RNF150: variants seen among roughly 807,000 people sequenced by gnomAD.
RNF150 encodes the protein ring finger protein 150.
Under a neutral mutation model 39.3 loss-of-function variants are expected in RNF150, and 24 were observed. That is an observed-to-expected ratio of 0.61 (90% CI 0.44 to 0.86). RNF150 has a LOEUF of 0.86. Among genes scored for constraint, RNF150 ranks in the 40% least tolerant of loss-of-function variants. RNF150 has a pLI of 0.00. For missense variants in RNF150, 502 were observed against 587.8 expected (o/e 0.85, Z 1.51); for synonymous variants, 255 against 227.3 (o/e 1.12, Z -1.10).
intron 3 of RNF150, among the ~76,000 whole-genome samples, chr4:140,948,828 C>T (rs896192762): frequency 6.6e-6 from 1 of 152,186 alleles, no homozygotes; most frequent in African/African-American, 2.4e-5. Context: ...TAGCTCAGCA[C>T]ATAAAGCTGT....
At chr4:140,904,925 G>A (rs1246392477) in intron 6 of RNF150, among the ~76,000 whole-genome samples, 1 of 152,190 alleles carries the variant, frequency 6.6e-6, no homozygotes, top group African/African-American at 2.4e-5. Flanking sequence ...TTAATTTTAA[G>A]AGAATGCATC....
chr4:141,000,011 G>GA (rs1560678959), intron 1 of RNF150, among the ~76,000 whole-genome samples: 2 of 31,704 alleles, frequency 6.3e-5, no homozygotes, highest in East Asian at 1.4e-3. Flanking sequence ...AGAAGAAGAA[G>GA]AAGAAGAAGA....
intron 1 of RNF150, among the ~76,000 whole-genome samples, chr4:141,043,342 A>G (rs1038554608): frequency 1.3e-5 from 2 of 152,138 alleles, no homozygotes; most frequent in African/African-American, 2.4e-5. Flanking sequence ...CCATACCTAG[A>G]TGACAACACA....
At chr4:140,926,167 C>T (rs1731392853) in intron 4 of RNF150, 94 bp from the exon 5 acceptor site, 1 of 853,642 alleles carries the variant, frequency 1.2e-6, no homozygotes, top group Admixed American at 2.0e-5. Flanking sequence ...CACAAAATTA[C>T]TCAGTGGCAG....
chr4:141,060,648 T>C (rs1737181627), intron 1 of RNF150, among the ~76,000 whole-genome samples: 1 of 152,092 alleles, frequency 6.6e-6, no homozygotes, highest in Admixed American at 6.6e-5. Flanking sequence ...ATGTGAATTA[T>C]AAAAAGATAT....
chr4:141,058,242 A>G (rs527318597), intron 1 of RNF150, among the ~76,000 whole-genome samples: 6 of 149,978 alleles, frequency 4.0e-5, no homozygotes, highest in African/African-American at 1.5e-4. Context: ...AAATATTTGG[A>G]AAATACATAA....
chr4:140,912,801 T>C (rs1423460498), intron 5 of RNF150, among the ~76,000 whole-genome samples: 1 of 152,184 alleles, frequency 6.6e-6, no homozygotes, highest in Non-Finnish European at 1.5e-5. Flanking sequence ...CAAAAGTCGA[T>C]TCATAGAATG....
rs1474519138 is a variant in RNF150 at position 140,862,690 on chromosome 4, G to A, written c.*5571C>T. 6.6e-6 allele frequency: 1 copy of A among 152,138 alleles called. No individual in the cohort carries two copies. The highest frequency in any genetic ancestry group is 1.5e-5 in the Non-Finnish European group (1 of 68,024). 9.4% of individuals were successfully genotyped at this position (152,138 alleles called of 1,614,324 possible). A position where few individuals can be genotyped will look rare whatever the true frequency, so the allele number is the denominator to read the frequency against. ...ATGAGAAACTCATATTAGCTTCTTAGAATTAATTTATTTTTCAGGCAATCC... is the reference window on the plus strand; with the variant it reads ...ATGAGAAACTCATATTAGCTTCTTAAAATTAATTTATTTTTCAGGCAATCC... On this transcript the variant is annotated 3_prime_UTR_variant, in exon 7 of 7. Transcript: ENST00000515673.
chr4:140,886,631 T>A (rs1338758054), intron 6 of RNF150, among the ~76,000 whole-genome samples: 1 of 152,160 alleles, frequency 6.6e-6, no homozygotes, highest in African/African-American at 2.4e-5. Flanking sequence ...TTTTATTTAT[T>A]TATTTTTAGA....
chr4:141,132,569 G>A lies in RNF150; in HGVS notation c.240C>T (p.His80=). The part of the protein sequence containing the change: ...EKTECGRYGE[H]SPKQDARGEV... ...CCCCGCGGGCGTCCTGCTTGGGCGA[G>A]TGCTCTCCGTAGCGCCCGCACTCCG... is the stretch of plus-strand genomic sequence containing the variant. Residue 80 remains histidine (H), a synonymous_variant, in exon 1 of 7, where the codon CAC becomes CAT. Transcript: ENST00000515673. The surrounding 1 kb of genome is among the most constrained non-coding windows in gnomAD (Gnocchi z 4.9). The A allele has an allele frequency of 6.3e-7, 1 of 1,585,500 alleles. No individual in the cohort carries two copies. Among genetic ancestry groups the A allele is most frequent in the Non-Finnish European group, 8.6e-7 (1 of 1,166,764 alleles).
chr4:140,980,755 T>C (rs575777756), intron 1 of RNF150, among the ~76,000 whole-genome samples: 1 of 152,298 alleles, frequency 6.6e-6, no homozygotes, highest in South Asian at 2.1e-4. Context: ...GTAAGTTTCC[T>C]GAGGCCTCCC....
chr4:140,982,729 C>T (rs4956497), intron 1 of RNF150, among the ~76,000 whole-genome samples: 46,401 of 151,854 alleles, frequency 0.31, 7,857 homozygotes, highest in East Asian at 0.71. Flanking sequence ...AAATTAAGAC[C>T]TTGAAGCACT....
intron 1 of RNF150, among the ~76,000 whole-genome samples, chr4:140,988,536 C>T (rs1373407751): frequency 3.3e-5 from 5 of 151,942 alleles, no homozygotes; most frequent in East Asian, 3.9e-4. Flanking sequence ...ATGTGCACAA[C>T]GTGCAGGTTT....
chr4:141,198,274 G>T (rs1030910085), intron 1 of RNF150, among the ~76,000 whole-genome samples: 2 of 152,010 alleles, frequency 1.3e-5, no homozygotes, highest in African/African-American at 2.4e-5. Flanking sequence ...TGATCCACCT[G>T]CCTCGGCCTC....
intron 1 of RNF150, among the ~76,000 whole-genome samples, chr4:141,102,161 C>T (rs1201375237): frequency 1.3e-5 from 2 of 152,048 alleles, no homozygotes; most frequent in African/African-American, 4.8e-5. Flanking sequence ...GGCATATGAC[C>T]GTATTTATAG....
chr4:141,098,055 A>G (rs984584558), intron 1 of RNF150, among the ~76,000 whole-genome samples: 1 of 152,186 alleles, frequency 6.6e-6, no homozygotes, highest in African/African-American at 2.4e-5. Context: ...TCACACAGCT[A>G]GAAATAACTC....
At chr4:141,081,650 A>G (rs977289642) in intron 1 of RNF150, among the ~76,000 whole-genome samples, 3 of 152,242 alleles carry the variant, frequency 2.0e-5, no homozygotes, top group Admixed American at 6.5e-5. Flanking sequence ...TGAGGTCCAC[A>G]ATATTTTAGA....
At position 141,188,581 on chromosome 4, in the gene RNF150, C is replaced by T. The variant is rs192934272; in HGVS notation, c.-6+24213G>A. Among the ~76,000 whole-genome samples the T allele has an allele frequency of 2.3e-3, 356 of 152,150 alleles. 1 individual carries two copies. Among genetic ancestry groups the T allele is most frequent in the African/African-American group, 7.4e-3 (306 of 41,522 alleles). On this transcript the variant is annotated intron_variant, in intron 1 of 7. Coordinates refer to the RNF150 transcript ENST00000420921. ...TTTTTTCTCTAATCTTGTCTTCATG[C>T]TTTTTTTCATTAAGTTGATCTTCGA...
chr4:140,873,202 C>T (rs746150587), intron 6 of RNF150, among the ~76,000 whole-genome samples: 13 of 152,242 alleles, frequency 8.5e-5, no homozygotes, highest in Middle Eastern at 3.4e-3. Flanking sequence ...AAGGAAGATA[C>T]GGTAATACCT....
Sources: allele counts gnomAD v4.1 joint callset (sites outside exome capture counted in the v4.1 genomes callset), GRCh38; gene constraint gnomAD v4.1.1; non-coding constraint Gnocchi (gnomAD v3.1); transcripts MANE v1.5; gene names NCBI Gene and HGNC (gene_info 2026-07-23, HGNC 2026-07-21).